ANO1: variants seen among roughly 807,000 people sequenced by gnomAD.
ANO1 encodes anoctamin 1.
A neutral mutation model predicts 124.0 loss-of-function variants in ANO1; 59 were observed. The ratio of observed to expected loss-of-function variants is 0.48; its 90% CI spans 0.39 to 0.59. The LOEUF (loss-of-function observed/expected upper bound fraction) is 0.59. Among genes scored for constraint, ANO1 ranks in the 20% least tolerant of loss-of-function variants. The pLI, the probability that ANO1 is intolerant of heterozygous loss-of-function variation, is 0.00. For missense variants in ANO1, 1,059 were observed against 1,328.0 expected, an observed-to-expected ratio of 0.80 and a Z score of 3.15; for synonymous variants, 529 against 532.0, an observed-to-expected ratio of 0.99 and a Z score of 0.08.
chr11:70,114,117 C>T (rs888156632), intron 7 of ANO1, among the ~76,000 whole-genome samples: 3 of 152,232 alleles, frequency 2.0e-5, no homozygotes, highest in African/African-American at 7.2e-5. Context: ...TCCATGCAGA[C>T]AATCTCCTCT....
intron 1 of ANO1, among the ~76,000 whole-genome samples, chr11:70,042,759 G>A (rs570859323): frequency 1.3e-5 from 2 of 152,296 alleles, no homozygotes; most frequent in African/African-American, 4.8e-5. Flanking sequence ...GGGCATCACT[G>A]AGCAGGATTC....
intron 7 of ANO1, among the ~76,000 whole-genome samples, chr11:70,115,338 C>T (rs773922437): frequency 1.3e-5 from 2 of 152,132 alleles, no homozygotes; most frequent in East Asian, 1.9e-4. Context: ...CCAGGCCAGG[C>T]GCAGTGGCTC....
intron 11 of ANO1, among the ~76,000 whole-genome samples, chr11:70,147,932 A>G (rs2047444814): frequency 6.6e-6 from 1 of 152,084 alleles, no homozygotes; most frequent in South Asian, 2.1e-4. Context: ...TCTCAGGATT[A>G]AGTTACTCCG....
At position 70,105,547 on chromosome 11, in the gene ANO1, C is replaced by T. The variant is rs554464514; in HGVS notation, c.693-187C>T. ...GTGGGTCTCAGGCCTCGCCCAGGTG[C>T]GGGGGCAGTGAAACAGTCTGTTCCA... is the stretch of plus-strand genomic sequence containing the variant. On this transcript the variant is annotated intron_variant, in intron 4 of 25. Coordinates refer to ENST00000355303, the MANE Select transcript of ANO1 (RefSeq NM_018043.7). 1.3e-4 allele frequency among the ~76,000 whole-genome samples: 20 copies of T among 152,254 alleles called. No homozygotes were observed. The East Asian group carries it at 1.7e-3, about 13-fold the overall frequency.
Position 70,155,919 on chromosome 11 carries a change from G to T in ANO1, c.1434G>T (p.Arg478=). ...KKESRNKEKR[R]HIPEESTNKW... ...CCCCCACCCCCCCTCAGAAGCGCCG[G>T]CATATTCCAGAGGAGTCAACAAACA... is the stretch of plus-strand genomic sequence containing the variant. The change falls in exon 15 of 26, where the codon CGG becomes CGT. Residue 478 remains arginine (R), a synonymous_variant. Transcript: ENST00000355303. The T allele has an allele frequency of 1.9e-6, 3 of 1,540,928 alleles. No individual in the cohort carries two copies. Among genetic ancestry groups the T allele is most frequent in the Non-Finnish European group, 2.6e-6 (3 of 1,143,064 alleles).
At chr11:70,107,801 A>T (rs1032330061) in intron 5 of ANO1, among the ~76,000 whole-genome samples, 14 of 152,026 alleles carry the variant, frequency 9.2e-5, no homozygotes, top group Non-Finnish European at 5.9e-5. Flanking sequence ...CCGGGGGGGA[A>T]TCCCTTCAGC....
intron 2 of ANO1, among the ~76,000 whole-genome samples, chr11:70,102,152 C>T (rs927012501): frequency 6.6e-6 from 1 of 152,250 alleles, no homozygotes; most frequent in East Asian, 1.9e-4. Context: ...ATCTTTGCAT[C>T]TGATCCCCGA....
chr11:70,010,751 A>C (rs1274078997), intron 1 of ANO1, among the ~76,000 whole-genome samples: 3 of 152,080 alleles, frequency 2.0e-5, no homozygotes, highest in African/African-American at 7.2e-5. Context: ...GGTCCCTGCT[A>C]TTCCTCCTGC....
the ANO1 span, among the ~76,000 whole-genome samples, chr11:69,969,832 A>G: frequency 6.6e-6 from 1 of 152,184 alleles, no homozygotes; most frequent in Non-Finnish European, 1.5e-5. Flanking sequence ...CTGTAGTCCC[A>G]GCTACTTAGG....
intron 1 of ANO1, among the ~76,000 whole-genome samples, chr11:70,003,716 A>G (rs1297212815): frequency 6.6e-6 from 1 of 152,102 alleles, no homozygotes. Flanking sequence ...TGGAGTAAAT[A>G]AAACAGATGT....
intron 11 of ANO1, among the ~76,000 whole-genome samples, chr11:70,145,794 G>A (rs111973609): frequency 0.05 from 7,540 of 151,926 alleles, 624 homozygotes; most frequent in African/African-American, 0.17. Context: ...AAAATTAGCC[G>A]GGCGTGGTGG....
chr11:70,108,521 T>TA (rs1237975303), intron 6 of ANO1, 117 bp downstream of exon 6: 2 of 1,152,844 alleles, frequency 1.7e-6, no homozygotes, highest in African/African-American at 1.5e-5. Context: ...GGTTTTGATT[T>TA]AAGCCTGTGT....
intron 1 of ANO1, among the ~76,000 whole-genome samples, chr11:69,986,563 C>T (rs574781021): frequency 2.0e-5 from 3 of 152,094 alleles, no homozygotes; most frequent in Non-Finnish European, 4.4e-5. Flanking sequence ...TTTTTACAGG[C>T]GCTATTAATA....
intron 1 of ANO1, among the ~76,000 whole-genome samples, chr11:69,987,202 G>A (rs772784863): frequency 6.6e-5 from 10 of 152,182 alleles, no homozygotes; most frequent in African/African-American, 1.2e-4. Flanking sequence ...AAACCTGGGC[G>A]CTGAAGTGGG....
At chr11:70,166,728 T>C (rs2048269050) in intron 20 of ANO1, among the ~76,000 whole-genome samples, 1 of 152,210 alleles carries the variant, frequency 6.6e-6, no homozygotes, top group Non-Finnish European at 1.5e-5. Flanking sequence ...GCACCTCCGT[T>C]TCCTTCTGTA....
At chr11:70,126,790 A>G (rs2046532197) in intron 10 of ANO1, among the ~76,000 whole-genome samples, 2 of 143,502 alleles carry the variant, frequency 1.4e-5, no homozygotes, top group East Asian at 2.1e-4. Context: ...GCGGGAGGTG[A>G]GACGTGAATG....
At chr11:70,084,404 C>T (rs1019221660) in intron 1 of ANO1, among the ~76,000 whole-genome samples, 1 of 152,180 alleles carries the variant, frequency 6.6e-6, no homozygotes, top group African/African-American at 2.4e-5. Flanking sequence ...GGGGATGGCT[C>T]CCAGGTGCCT....
chr11:70,161,598 G>A, intron 17 of ANO1, 24 bp from the exon 18 acceptor site: 1 of 1,611,042 alleles, frequency 6.2e-7, no homozygotes, highest in Non-Finnish European at 8.5e-7. Context: ...CACAGCCTCA[G>A]TATCATCCTA....
At chr11:70,164,160 G>T (rs1340560288) in intron 19 of ANO1, among the ~76,000 whole-genome samples, 1 of 152,152 alleles carries the variant, frequency 6.6e-6, no homozygotes, top group African/African-American at 2.4e-5. Context: ...CCACAACCAG[G>T]GGCTCCATCA....
Sources: allele counts gnomAD v4.1 joint callset (sites outside exome capture counted in the v4.1 genomes callset), GRCh38; gene constraint gnomAD v4.1.1; transcripts MANE v1.5; gene names NCBI Gene and HGNC (gene_info 2026-07-23, HGNC 2026-07-21).